PIK3AP1: variants seen among roughly 807,000 people sequenced by gnomAD.
PIK3AP1 encodes phosphoinositide-3-kinase adaptor protein 1.
PIK3AP1 carries 21 observed loss-of-function variants against 88.1 expected under a neutral mutation model. The ratio of observed to expected loss-of-function variants is 0.24; its 90% CI spans 0.17 to 0.34. PIK3AP1 has a LOEUF of 0.34. Among genes scored for constraint, PIK3AP1 ranks in the 10% least tolerant of loss-of-function variants. The pLI is 1.00. For synonymous variants in PIK3AP1, 398 were observed against 400.0 expected (o/e 1.00, Z 0.06); for missense variants, 828 against 1,035.7 (o/e 0.80, Z 2.75).
At chr10:96,695,408 T>C (rs1844206934) in intron 2 of PIK3AP1, among the ~76,000 whole-genome samples, 2 of 152,206 alleles carry the variant, frequency 1.3e-5, no homozygotes, top group African/African-American at 2.4e-5. Flanking sequence ...ACATTAGCTG[T>C]ACATGTAAAA....
At chr10:96,697,640 G>A (rs607353) in intron 2 of PIK3AP1, among the ~76,000 whole-genome samples, 13,225 of 151,952 alleles carry the variant, frequency 0.087, 1,918 homozygotes, top group African/African-American at 0.3. Flanking sequence ...GAGATGAGAG[G>A]ATCGCTTGAG....
intron 1 of PIK3AP1, among the ~76,000 whole-genome samples, chr10:96,718,861 C>T (rs1289703632): frequency 6.6e-6 from 1 of 152,126 alleles, no homozygotes; most frequent in East Asian, 1.9e-4. Context: ...CCCCACAGCC[C>T]ACCTACTCCA....
At chr10:96,629,591 C>G (rs962715936) in intron 8 of PIK3AP1, among the ~76,000 whole-genome samples, 1 of 150,826 alleles carries the variant, frequency 6.6e-6, no homozygotes, top group African/African-American at 2.4e-5. Flanking sequence ...AAAAAAGAAA[C>G]TCTGGGCCAG....
At chr10:96,687,226 G>C (rs541128799) in intron 2 of PIK3AP1, among the ~76,000 whole-genome samples, 17 of 135,114 alleles carry the variant, frequency 1.3e-4, no homozygotes, top group South Asian at 1.2e-3. Context: ...ACCGCAGTCC[G>C]GCCTGGGCAA....
chr10:96,671,142 T>C (rs1843840612), intron 2 of PIK3AP1, among the ~76,000 whole-genome samples: 1 of 152,212 alleles, frequency 6.6e-6, no homozygotes, highest in Non-Finnish European at 1.5e-5. Flanking sequence ...GTCATGTCCT[T>C]AGAAAGCACA....
At chr10:96,611,954 G>A (rs544771565) in intron 13 of PIK3AP1, among the ~76,000 whole-genome samples, 94 of 152,274 alleles carry the variant, frequency 6.2e-4, no homozygotes, top group African/African-American at 2.0e-3. Flanking sequence ...TTTGAATAAA[G>A]GTACAATGCT....
intron 2 of PIK3AP1, among the ~76,000 whole-genome samples, chr10:96,679,135 C>T (rs565825300): frequency 6.6e-6 from 1 of 152,326 alleles, no homozygotes; most frequent in African/African-American, 2.4e-5. Flanking sequence ...GTGCAAATTA[C>T]ACTCAAGGAT....
intron 8 of PIK3AP1, among the ~76,000 whole-genome samples, chr10:96,640,961 C>A (rs1349677298): frequency 6.6e-6 from 1 of 152,174 alleles, no homozygotes; most frequent in Non-Finnish European, 1.5e-5. Flanking sequence ...CCATGCCCGG[C>A]TGATCTGTGG....
rs747349549 is a variant in PIK3AP1, at chr10:96,616,668, C to T, written c.1985G>A (p.Arg662Lys). The change falls in exon 13 of 17, where the codon AGA (arginine) becomes AAA (lysine). Residue 662 changes from arginine (R) to lysine (K), a missense_variant. This residue lies in a region of PIK3AP1 where 191 missense variants were observed against 208.6 expected (regional missense o/e 0.92). Coordinates refer to ENST00000339364, the MANE Select transcript of PIK3AP1 (RefSeq NM_152309.3). Reference sequence around the variant, plus strand: ...CTGCTTTCCTGATTTTTGCTTCTCTCTCTGTCTTCGGGTGATGCTGTCTCT... The same window carrying T: ...CTGCTTTCCTGATTTTTGCTTCTCTTTCTGTCTTCGGGTGATGCTGTCTCT... ...RLRDSITRRQ[R>K]EKQKSGKQTD... The T allele has an allele frequency of 1.2e-6, 2 of 1,614,206 alleles. No individual in the cohort carries two copies. The highest frequency in any genetic ancestry group is 1.7e-6 in the Non-Finnish European group (2 of 1,180,032).
chr10:96,710,546 G>A (rs960396135), intron 1 of PIK3AP1, among the ~76,000 whole-genome samples: 16 of 152,030 alleles, frequency 1.1e-4, no homozygotes, highest in Non-Finnish European at 4.4e-5. Flanking sequence ...ATCCTTGCAC[G>A]AGCTATTGCT....
intron 1 of PIK3AP1, among the ~76,000 whole-genome samples, chr10:96,716,381 A>G (rs549445042): frequency 9.2e-5 from 14 of 152,316 alleles, no homozygotes; most frequent in African/African-American, 3.4e-4. Flanking sequence ...ATTTGAGGAG[A>G]AATTAATTAC....
intron 8 of PIK3AP1, among the ~76,000 whole-genome samples, chr10:96,632,433 A>G (rs1589501907): frequency 6.6e-6 from 1 of 150,480 alleles, no homozygotes; most frequent in South Asian, 2.1e-4. Context: ...TACAAAAAGG[A>G]GAGGAGGAAC....
At chr10:96,665,448 C>T (rs7073607) in intron 2 of PIK3AP1, among the ~76,000 whole-genome samples, 5,142 of 152,190 alleles carry the variant, frequency 0.034, 293 homozygotes, top group African/African-American at 0.12. Flanking sequence ...CTTGGTCTTG[C>T]CTATTTCTCT....
intron 2 of PIK3AP1, among the ~76,000 whole-genome samples, chr10:96,682,531 A>C (rs1844017044): frequency 6.6e-6 from 1 of 152,216 alleles, no homozygotes; most frequent in South Asian, 2.1e-4. Context: ...GGAAAAGGGA[A>C]GCACCTTTCT....
At chr10:96,700,156 C>T (rs1161278738) in intron 2 of PIK3AP1, among the ~76,000 whole-genome samples, 1 of 152,208 alleles carries the variant, frequency 6.6e-6, no homozygotes, top group Non-Finnish European at 1.5e-5. Flanking sequence ...ACACAGTTGA[C>T]ATAGGGACTT....
chr10:96,677,656 A>G (rs1270893473), intron 2 of PIK3AP1, among the ~76,000 whole-genome samples: 1 of 151,394 alleles, frequency 6.6e-6, no homozygotes, highest in Non-Finnish European at 1.5e-5. Flanking sequence ...GTAAACATTT[A>G]TCTCCAACAA....
At chr10:96,608,848 C>T (rs1287026512) in intron 14 of PIK3AP1, among the ~76,000 whole-genome samples, 2 of 152,228 alleles carry the variant, frequency 1.3e-5, no homozygotes, top group Non-Finnish European at 2.9e-5. Flanking sequence ...AGATATGAGT[C>T]CTGAAATTCA....
chr10:96,660,377 G>T (rs1444097384), intron 2 of PIK3AP1, among the ~76,000 whole-genome samples: 1 of 152,114 alleles, frequency 6.6e-6, no homozygotes, highest in African/African-American at 2.4e-5. Context: ...TGAAAAGATG[G>T]TCCACATCAT....
chr10:96,666,368 G>A (rs1161952356), intron 2 of PIK3AP1, among the ~76,000 whole-genome samples: 1 of 152,058 alleles, frequency 6.6e-6, no homozygotes, highest in Non-Finnish European at 1.5e-5. Context: ...GCAGTGAGCC[G>A]AGATCGCACC....
Sources: gnomAD v4.1 joint callset for allele counts (sites outside exome capture counted in the v4.1 genomes callset) on GRCh38, gnomAD v4.1.1 for gene constraint, gnomAD v4.1.1 regional missense constraint, MANE v1.5 for transcripts, NCBI Gene and HGNC (gene_info 2026-07-23, HGNC 2026-07-21) for gene names.